ECPAS: variants seen among roughly 807,000 people sequenced by gnomAD.
ECPAS encodes the protein Ecm29 proteasome adaptor and scaffold.
Under a neutral mutation model 255.1 loss-of-function variants are expected in ECPAS, and 70 were observed. The observed-to-expected ratio is 0.27, with a 90% confidence interval of 0.23 to 0.33. ECPAS has a LOEUF of 0.33. ECPAS is among the 10% of genes least tolerant of loss of function. The pLI, the probability that ECPAS is intolerant of heterozygous loss-of-function variation, is 1.00. For synonymous variants in ECPAS, 784 were observed against 775.0 expected, an observed-to-expected ratio of 1.01 and a Z score of -0.19; for missense variants, 1,817 against 2,206.4, an observed-to-expected ratio of 0.82 and a Z score of 3.54.
At chr9:111,430,732 G>T in intron 8 of ECPAS, 104 bp from the exon 9 acceptor site, 1 of 724,506 alleles carries the variant, frequency 1.4e-6, no homozygotes, top group Non-Finnish European at 2.4e-6. Flanking sequence ...GAAAATGTTA[G>T]AAACACACAA....
chr9:111,424,210 C>T (rs747808019), intron 12 of ECPAS, among the ~76,000 whole-genome samples: 5 of 152,234 alleles, frequency 3.3e-5, no homozygotes, highest in Admixed American at 1.3e-4. Context: ...CCCCAAAGCA[C>T]AGCTGCACAG....
intron 2 of ECPAS, among the ~76,000 whole-genome samples, chr9:111,460,894 G>C (rs1589226558): frequency 6.6e-6 from 1 of 152,138 alleles, no homozygotes; most frequent in Non-Finnish European, 1.5e-5. Flanking sequence ...CAATCCATCA[G>C]ATAACTTGGG....
intron 15 of ECPAS, among the ~76,000 whole-genome samples, chr9:111,420,461 T>A (rs780731156): frequency 6.6e-5 from 10 of 152,050 alleles, no homozygotes; most frequent in African/African-American, 2.4e-4. Flanking sequence ...ACTGTGACAG[T>A]TTCTAGCCAT....
chr9:111,435,252 T>G (rs977490319), intron 7 of ECPAS, among the ~76,000 whole-genome samples: 1 of 152,154 alleles, frequency 6.6e-6, no homozygotes, highest in Non-Finnish European at 1.5e-5. Context: ...TTACATTGTT[T>G]ATAATTGGAA....
intron 1 of ECPAS, among the ~76,000 whole-genome samples, chr9:111,480,054 T>C (rs1276723200): frequency 6.6e-6 from 1 of 151,702 alleles, no homozygotes; most frequent in Admixed American, 6.6e-5. Context: ...TTTGCTATAA[T>C]AGTAAATATG....
chr9:111,484,326 A>C lies in ECPAS; in HGVS notation c.-293T>G. ...CCCTTTTCCGAGGTCTGCGGCTGTC[A>C]CGTTGGCTGGGCCCGACCTGGGGAA... On this transcript the variant is annotated 5_prime_UTR_variant, in exon 1 of 50. Transcript: ENST00000684092. 1 of 1,599,266 alleles carries C rather than the reference A, an allele frequency of 6.3e-7. No individual in the cohort carries two copies.
chr9:111,409,746 C>G (rs927986211), intron 23 of ECPAS, among the ~76,000 whole-genome samples: 5 of 151,980 alleles, frequency 3.3e-5, no homozygotes, highest in African/African-American at 1.2e-4. Context: ...TTTTATTATA[C>G]ACCTTTTGCA....
intron 1 of ECPAS, among the ~76,000 whole-genome samples, chr9:111,475,782 A>G (rs2098295477): frequency 6.6e-6 from 1 of 152,060 alleles, no homozygotes; most frequent in Non-Finnish European, 1.5e-5. Context: ...AAAAATCAGA[A>G]TGGAAATTAA....
Position 111,412,057 on chromosome 9 carries a change from T to G in ECPAS, c.2171A>C (p.Lys724Thr). 6.3e-7 allele frequency: 1 copy of G among 1,590,020 alleles called. No homozygotes were observed. Among genetic ancestry groups the G allele is most frequent in the Non-Finnish European group, 8.5e-7 (1 of 1,173,514 alleles). The change falls in exon 21 of 50, where the codon AAA (lysine) becomes ACA (threonine). Residue 724 changes from lysine (K) to threonine (T), a missense_variant. By Grantham distance (78) the Lys-to-Thr change is moderately conservative. This residue lies in a region of ECPAS where 194 missense variants were observed against 152.8 expected (regional missense o/e 1.27). Transcript: ENST00000684092. ...CTTTATAAGCTGTTCTATCATTGAT[T>G]TCAACTCATTCCCCGACACTGTTGA... ...VVSTVSGNEL[K>T]SMIEQLIKTT...
At chr9:111,384,821 T>C (rs1249199645) in intron 33 of ECPAS, among the ~76,000 whole-genome samples, 1 of 152,220 alleles carries the variant, frequency 6.6e-6, no homozygotes, top group Non-Finnish European at 1.5e-5. Flanking sequence ...TATTAACAGT[T>C]GAGAAACTAA....
chr9:111,423,244 G>C lies in ECPAS; in HGVS notation c.1220C>G (p.Pro407Arg). Reference sequence around the variant, plus strand: ...TGAATATGCCATTGACAGTAGTTTAGGGTCCTTGAAATTAAAAAAAGAAAA... The same window carrying C: ...TGAATATGCCATTGACAGTAGTTTACGGTCCTTGAAATTAAAAAAAGAAAA... ...TKLINEYKED[P>R]KLLSMAYSAV... is the part of the protein sequence containing the mutation. Residue 407 changes from proline (P) to arginine (R), a missense_variant, in exon 13 of 50, where the codon CCT becomes CGT. Coordinates refer to ENST00000684092, the MANE Select transcript of ECPAS (RefSeq NM_001364929.1). 1 of 1,553,692 alleles carries C rather than the reference G, an allele frequency of 6.4e-7. No individual in the cohort carries two copies. The highest frequency in any genetic ancestry group is 8.7e-7 in the Non-Finnish European group (1 of 1,146,890).
chr9:111,482,962 T>C (rs2098308651), intron 1 of ECPAS, among the ~76,000 whole-genome samples: 1 of 152,168 alleles, frequency 6.6e-6, no homozygotes, highest in Non-Finnish European at 1.5e-5. Flanking sequence ...CCGTGGTTTC[T>C]CCTGCGGTTC....
chr9:111,418,812 C>G (rs934859524), intron 16 of ECPAS, among the ~76,000 whole-genome samples: 4 of 152,200 alleles, frequency 2.6e-5, no homozygotes, highest in Non-Finnish European at 5.9e-5. Context: ...CTAACATGAA[C>G]TGACACCTTG....
chr9:111,394,440 T>C (rs1300591265), intron 25 of ECPAS, 135 bp from the exon 26 acceptor site: 3 of 767,358 alleles, frequency 3.9e-6, no homozygotes, highest in Non-Finnish European at 5.6e-6. Flanking sequence ...GTGTTTAAAG[T>C]TGCTGAAGGA....
At chr9:111,379,745 A>C in intron 35 of ECPAS, among the ~76,000 whole-genome samples, 1 of 152,212 alleles carries the variant, frequency 6.6e-6, no homozygotes, top group Non-Finnish European at 1.5e-5. Context: ...TCATTTTAAC[A>C]ATGTTCACAG....
intron 2 of ECPAS, among the ~76,000 whole-genome samples, chr9:111,470,484 G>A (rs890010026): frequency 4.6e-5 from 7 of 152,032 alleles, no homozygotes; most frequent in African/African-American, 1.7e-4. Flanking sequence ...CTAACTTTTT[G>A]TATTTTTAGT....
At chr9:111,415,939 C>T (rs928159967) in intron 18 of ECPAS, among the ~76,000 whole-genome samples, 1 of 152,118 alleles carries the variant, frequency 6.6e-6, no homozygotes, top group Non-Finnish European at 1.5e-5. Flanking sequence ...CTCCAACCTT[C>T]AAAACTAAAT....
intron 38 of ECPAS, among the ~76,000 whole-genome samples, chr9:111,374,252 T>C (rs1315103254): frequency 6.6e-6 from 1 of 152,272 alleles, no homozygotes; most frequent in Middle Eastern, 3.4e-3. Flanking sequence ...TCAGACATTG[T>C]GAAAAAGAAA....
intron 2 of ECPAS, among the ~76,000 whole-genome samples, chr9:111,466,701 T>G (rs1202001809): frequency 6.6e-6 from 1 of 151,760 alleles, no homozygotes; most frequent in East Asian, 1.9e-4. Context: ...CAAGCTGAGG[T>G]GCAGTGATGC....
Sources: allele counts gnomAD v4.1 joint callset (sites outside exome capture counted in the v4.1 genomes callset), GRCh38; gene constraint gnomAD v4.1.1; regional missense constraint gnomAD v4.1.1; transcripts MANE v1.5; gene names NCBI Gene and HGNC (gene_info 2026-07-23, HGNC 2026-07-21).